OSBPL10: variants seen among roughly 807,000 people sequenced by gnomAD.
The protein encoded by OSBPL10 is oxysterol binding protein like 10, also known as oxysterol-binding protein-related protein 10.
In OSBPL10, 49 loss-of-function variants were observed where a neutral mutation model predicts 81.7. That is an observed-to-expected ratio of 0.60 (90% confidence interval 0.48 to 0.76). The LOEUF (loss-of-function observed/expected upper bound fraction) is 0.76, where lower values mean the gene tolerates loss of function less well. OSBPL10 is among the 30% of genes least tolerant of loss of function. OSBPL10 has a pLI of 0.00. For synonymous variants in OSBPL10, 419 were observed against 383.6 expected, an observed-to-expected ratio of 1.09 and a Z score of -1.08; for missense variants, 923 against 987.8, an observed-to-expected ratio of 0.93 and a Z score of 0.88.
chr3:31,988,784 C>G (rs574843021), intron 2 of OSBPL10: 1 of 434,574 alleles, frequency 2.3e-6, no homozygotes, highest in East Asian at 4.1e-5. Context: ...TTTTCTGAGA[C>G]CTGCTAACAG....
chr3:31,703,248 C>T (rs1695955250), intron 6 of OSBPL10, among the ~76,000 whole-genome samples: 2 of 152,098 alleles, frequency 1.3e-5, no homozygotes, highest in African/African-American at 4.8e-5. Flanking sequence ...TTCCAGTATC[C>T]AAGTATTAAG....
chr3:32,044,620 A>C (rs1699607022), intron 2 of OSBPL10, among the ~76,000 whole-genome samples: 1 of 151,356 alleles, frequency 6.6e-6, no homozygotes, highest in East Asian at 1.9e-4. Context: ...ACATGCCTAT[A>C]ATCCCAGCTA....
intron 2 of OSBPL10, among the ~76,000 whole-genome samples, chr3:31,987,431 T>G (rs781122652): frequency 2.6e-5 from 4 of 152,258 alleles, no homozygotes; most frequent in Non-Finnish European, 4.4e-5. Flanking sequence ...TACATTAGTT[T>G]AATTATTTCC....
chr3:31,799,675 C>T (rs769092363), intron 4 of OSBPL10, among the ~76,000 whole-genome samples: 11 of 152,086 alleles, frequency 7.2e-5, no homozygotes, highest in Non-Finnish European at 1.3e-4. Flanking sequence ...GAAAATAAAG[C>T]CTCAAGGAAC....
At position 31,661,921 on chromosome 3, in the gene OSBPL10, A is replaced by G; in HGVS notation, c.*151T>C. The stretch of plus-strand genomic sequence containing the variant: ...TTCCTCTAGCAGAGTGTGGGGGTGC[A>G]CTTTTCATAGTATATAATTTCTCTC... On this transcript the variant is annotated 3_prime_UTR_variant, in exon 12 of 12. Coordinates refer to ENST00000396556, the MANE Select transcript of OSBPL10 (RefSeq NM_017784.5). 1 of 1,181,914 alleles carries G rather than the reference A, an allele frequency of 8.5e-7. No individual in the cohort carries two copies. The highest frequency in any genetic ancestry group is 1.2e-6 in the Non-Finnish European group (1 of 846,054). 73.2% of individuals were successfully genotyped at this position (1,181,914 alleles called of 1,614,324 possible). A position where few individuals can be genotyped will look rare whatever the true frequency, so the allele number is the denominator to read the frequency against.
At chr3:31,928,762 C>CCAAAAAAAAAAA (rs768296819) in intron 1 of OSBPL10, among the ~76,000 whole-genome samples, 17 of 95,090 alleles carry the variant, frequency 1.8e-4, no homozygotes, top group East Asian at 5.9e-4. Flanking sequence ...GACTTGTCTC[C>CCAAAAAAAAAAA]AAAAAAAAAA....
intron 10 of OSBPL10, 157 bp from the exon 11 acceptor site, chr3:31,664,389 T>C (rs1054300454): frequency 2.1e-5 from 14 of 680,494 alleles, no homozygotes; most frequent in Non-Finnish European, 2.7e-5. Flanking sequence ...AGAGCCTAGA[T>C]TTGAACCCAG....
intron 3 of OSBPL10, 70 bp downstream of exon 3, chr3:31,876,363 G>A (rs1356242412): frequency 3.7e-6 from 5 of 1,353,636 alleles, no homozygotes; most frequent in Non-Finnish European, 5.3e-6. Flanking sequence ...CTTCCCCGAA[G>A]AAACAAATAA....
intron 9 of OSBPL10, among the ~76,000 whole-genome samples, chr3:31,669,553 C>T (rs1700275285): frequency 6.6e-6 from 1 of 152,192 alleles, no homozygotes; most frequent in South Asian, 2.1e-4. Context: ...GTCTCAGTCT[C>T]AATCAATAGC....
At chr3:31,896,510 A>G (rs1352555957) in intron 1 of OSBPL10, among the ~76,000 whole-genome samples, 1 of 152,170 alleles carries the variant, frequency 6.6e-6, no homozygotes, top group Non-Finnish European at 1.5e-5. Context: ...ACGCCACACA[A>G]AATAAAGGGA....
chr3:31,944,434 G>C (rs1365685740), intron 1 of OSBPL10, among the ~76,000 whole-genome samples: 2 of 152,112 alleles, frequency 1.3e-5, no homozygotes, highest in African/African-American at 4.8e-5. Context: ...TAAGGTTCAA[G>C]ACATCTAGGA....
chr3:31,725,196 T>A (rs1461017184), intron 6 of OSBPL10, among the ~76,000 whole-genome samples: 1 of 152,232 alleles, frequency 6.6e-6, no homozygotes, highest in East Asian at 1.9e-4. Flanking sequence ...GCTCAATATC[T>A]GTTGAGTGAA....
At chr3:32,002,391 C>T (rs1054782716) in intron 2 of OSBPL10, among the ~76,000 whole-genome samples, 1 of 152,074 alleles carries the variant, frequency 6.6e-6, no homozygotes. Context: ...CAGTATGGGG[C>T]AAGGGGAGGA....
chr3:31,679,699 G>C (rs1402942085), intron 8 of OSBPL10, among the ~76,000 whole-genome samples: 1 of 152,106 alleles, frequency 6.6e-6, no homozygotes, highest in East Asian at 1.9e-4. Flanking sequence ...AAATTAAATA[G>C]AATGAGATGA....
chr3:31,826,903 G>A (rs1450617514), intron 4 of OSBPL10, among the ~76,000 whole-genome samples: 1 of 152,068 alleles, frequency 6.6e-6, no homozygotes, highest in Non-Finnish European at 1.5e-5. Context: ...TCCTAAAGGG[G>A]CTCGGCACCC....
At chr3:31,989,340 G>T in intron 2 of OSBPL10, 1 of 1,614,202 alleles carries the variant, frequency 6.2e-7, no homozygotes, top group Non-Finnish European at 8.5e-7. Context: ...TGGACACAGG[G>T]ACATTAGAAA....
intron 4 of OSBPL10, among the ~76,000 whole-genome samples, chr3:31,805,441 A>G (rs1699495870): frequency 6.6e-6 from 1 of 152,200 alleles, no homozygotes; most frequent in Non-Finnish European, 1.5e-5. Context: ...GAGCTGAAAG[A>G]AAACTAGTCA....
chr3:31,756,581 C>A (rs1697895962), intron 4 of OSBPL10, among the ~76,000 whole-genome samples: 1 of 152,210 alleles, frequency 6.6e-6, no homozygotes, highest in Non-Finnish European at 1.5e-5. Context: ...ATCTTAAAAA[C>A]ATCACCCCTT....
chr3:31,989,390 A>T (rs915204013), intron 2 of OSBPL10: 2 of 1,614,222 alleles, frequency 1.2e-6, no homozygotes, highest in Non-Finnish European at 1.7e-6. Context: ...TGCTTCCAGA[A>T]AATTGGGAAA....
Sources: gnomAD v4.1 joint callset for allele counts (sites outside exome capture counted in the v4.1 genomes callset) on GRCh38, gnomAD v4.1.1 for gene constraint, MANE v1.5 for transcripts, NCBI Gene and HGNC (gene_info 2026-07-23, HGNC 2026-07-21) for gene names.